ZSCAN12: variants seen among roughly 807,000 people sequenced by gnomAD.
ZSCAN12 encodes the protein zinc finger and SCAN domain containing 12.
In ZSCAN12, 18 loss-of-function variants were observed where a neutral mutation model predicts 23.4. That is an observed-to-expected ratio of 0.77 (90% CI 0.53 to 1.14). The LOEUF is 1.14. ZSCAN12 is among the 50% of genes most tolerant of loss of function. The pLI is 0.00. For missense variants in ZSCAN12, 650 were observed against 735.0 expected (o/e 0.88, Z 1.34); for synonymous variants, 186 against 253.4 (o/e 0.73, Z 2.53).
chr6:28,390,216 A>G lies in ZSCAN12; in HGVS notation c.*238T>C, dbSNP rs1760745586. Reference sequence around the variant, plus strand: ...TTCTACTCTCCTGTAGTCTTATATGACTAAATATGTGGATCTTATCTATCC... The same window carrying G: ...TTCTACTCTCCTGTAGTCTTATATGGCTAAATATGTGGATCTTATCTATCC... On this transcript the variant is annotated 3_prime_UTR_variant, in exon 4 of 4. Transcript: ENST00000684592. Among the ~76,000 whole-genome samples the G allele has an allele frequency of 1.3e-5, 2 of 152,194 alleles. No homozygotes were observed. The highest frequency in any genetic ancestry group is 4.8e-5 in the African/African-American group (2 of 41,436).
At chr6:28,383,208 T>C (rs1043484940), downstream of ZSCAN12, among the ~76,000 whole-genome samples, 12 of 152,156 alleles carry the variant, frequency 7.9e-5, no homozygotes, top group African/African-American at 2.4e-4. Context: ...CCAACTTTCC[T>C]TTCACCAAAC....
At chr6:28,399,576 A>G (rs987267526) in intron 1 of ZSCAN12, 81 bp downstream of exon 1, 52 of 152,498 alleles carry the variant, frequency 3.4e-4, no homozygotes, top group Non-Finnish European at 3.8e-4. Context: ...TGCACCGGCC[A>G]GGGCCTGAGG....
rs768674384 is a variant in ZSCAN12 at position 28,398,205 on chromosome 6, G to A, written c.201C>T (p.Leu67=). 5.6e-6 allele frequency: 9 copies of A among 1,613,994 alleles called. No individual in the cohort carries two copies. The East Asian group carries it at 1.8e-4, about 32-fold the overall frequency. Residue 67 remains leucine, a synonymous_variant, in exon 2 of 4, where the codon CTC becomes CTT. Transcript: ENST00000684592. ...TCAGCCACTGATGGCAAAGTTCTCG[G>A]AGTCGGCTCAAAGCCTCACGGGGAC... is the stretch of plus-strand genomic sequence containing the variant. ...TSGPREALSR[L]RELCHQWLRP...
Position 28,387,652 on chromosome 6 carries a change from T to C in ZSCAN12, c.*2802A>G, listed in dbSNP as rs1581768366. 1.3e-5 allele frequency among the ~76,000 whole-genome samples: 2 copies of C among 152,296 alleles called. No homozygotes were observed. Among genetic ancestry groups the C allele is most frequent in the South Asian group, 2.1e-4 (1 of 4,826 alleles). On this transcript the variant is annotated 3_prime_UTR_variant, in exon 4 of 4. Transcript: ENST00000684592. ...GGCTAATTTTAGAGCAGAGATAATA[T>C]GCAAAAACAGCAATCATGTAGTTTT...
chr6:28,379,400 G>A (rs1760114327), exon 5 of ZSCAN12: 1 of 152,150 alleles, frequency 6.6e-6, no homozygotes, highest in Admixed American at 6.5e-5. Flanking sequence ...AGGAGTTCGA[G>A]ACCAGCCTGG....
In ZSCAN12 at chr6:28,390,136, C is replaced by T. The variant is rs1192793619; in HGVS notation, c.*318G>A. Among the ~76,000 whole-genome samples, 1 of 101,184 alleles carries T rather than the reference C, an allele frequency of 9.9e-6. No homozygotes were observed. Among genetic ancestry groups the T allele is most frequent in the African/African-American group, 1.0e-4 (1 of 10,012 alleles). 66.4% of individuals were successfully genotyped at this position (101,184 alleles called of 152,430 possible). ...GTAACCTGTCCTTTAGAATTTACAGCACTTATAGTCTGTTACAAAGTACCA... is the reference window on the plus strand; with the variant it reads ...GTAACCTGTCCTTTAGAATTTACAGTACTTATAGTCTGTTACAAAGTACCA... On this transcript the variant is annotated 3_prime_UTR_variant, in exon 4 of 4. Coordinates refer to ENST00000684592, the MANE Select transcript of ZSCAN12 (RefSeq NM_001163391.2).
At chr6:28,382,930 C>A (rs1259300364), downstream of ZSCAN12, among the ~76,000 whole-genome samples, 1 of 98,448 alleles carries the variant, frequency 1.0e-5, no homozygotes, top group Non-Finnish European at 2.0e-5. Flanking sequence ...ATTTAAAATG[C>A]ACCATACATG....
chr6:28,395,427 A>G (rs1450253525), intron 2 of ZSCAN12, among the ~76,000 whole-genome samples: 1 of 152,170 alleles, frequency 6.6e-6, no homozygotes, highest in Non-Finnish European at 1.5e-5. Flanking sequence ...GCTCCAAAAT[A>G]TATCCAGAAT....
downstream of ZSCAN12, chr6:28,380,794 A>C (rs1254652498): frequency 1.3e-5 from 2 of 153,772 alleles, no homozygotes; most frequent in Non-Finnish European, 2.9e-5. Context: ...CATTCCCCCC[A>C]ACAAAATTCA....
intron 2 of ZSCAN12, among the ~76,000 whole-genome samples, chr6:28,397,741 CTCTTG>C (rs1462898723): frequency 2.0e-5 from 3 of 152,228 alleles, no homozygotes; most frequent in Admixed American, 2.0e-4. Context: ...TTGATACTTT[CTCTTG>C]TCTTAGAAGT....
intron 1 of ZSCAN12, among the ~76,000 whole-genome samples, chr6:28,398,910 G>T (rs1184590567): frequency 7.0e-6 from 1 of 143,604 alleles, no homozygotes; most frequent in Non-Finnish European, 1.5e-5. Flanking sequence ...TCCAGCCTGG[G>T]CGACAGAGCG....
chr6:28,391,725 C>T lies in ZSCAN12; in HGVS notation c.565G>A (p.Gly189Arg). The T allele has an allele frequency of 1.3e-6, 2 of 1,532,636 alleles. No individual in the cohort carries two copies. Among genetic ancestry groups the T allele is most frequent in the Non-Finnish European group, 1.8e-6 (2 of 1,142,432 alleles). The allele number at this position is 1,532,636 out of a possible 1,614,324, so 94.9% of individuals were successfully genotyped here. The change falls in exon 4 of 4, where the codon GGA (glycine) becomes AGA (arginine). Residue 189 changes from glycine (G) to arginine (R), a missense_variant. Coordinates refer to ENST00000684592, the MANE Select transcript of ZSCAN12 (RefSeq NM_001163391.2). This position sits in a 1 kb window ranked among gnomAD's most constrained non-coding sequence, Gnocchi z 4.1. ...TGCTTTAAATTCCCATACTCATTTCCAGTCTCAACATCTAAAACTAAGAAG... is the reference window on the plus strand; with the variant it reads ...TGCTTTAAATTCCCATACTCATTTCTAGTCTCAACATCTAAAACTAAGAAG... Reference protein sequence around the residue: ...QQEQVLDVETGNEYGNLKQEV... With the variant: ...QQEQVLDVETRNEYGNLKQEV...
chr6:28,381,072 G>A (rs1760210127), downstream of ZSCAN12: 1 of 152,190 alleles, frequency 6.6e-6, no homozygotes, highest in African/African-American at 2.4e-5. Context: ...AGAAGAGACA[G>A]CTAGGCAGAA....
chr6:28,391,568 C>G lies in ZSCAN12; in HGVS notation c.722G>C (p.Arg241Thr), dbSNP rs1581776254. 1 of 1,552,286 alleles carries G rather than the reference C, an allele frequency of 6.4e-7. No homozygotes were observed. Among genetic ancestry groups the G allele is most frequent in the Non-Finnish European group, 8.7e-7 (1 of 1,147,128 alleles). The change falls in exon 4 of 4, where the codon AGA becomes ACA. Residue 241 changes from arginine (R) to threonine (T), a missense_variant. Arg to Thr is a moderately conservative substitution (Grantham distance 71, BLOSUM62 -1). Coordinates refer to ENST00000684592, the MANE Select transcript of ZSCAN12 (RefSeq NM_001163391.2). This position sits in a 1 kb window ranked among gnomAD's most constrained non-coding sequence, Gnocchi z 4.1. ...ATCACAGGTAGGTTGTTTATCTTCT[C>G]TGGAGCAAGCAGAGGGCTCTTCTGT... is the stretch of plus-strand genomic sequence containing the variant. The part of the protein sequence containing the change: ...EITEEPSACS[R>T]EDKQPTCDEN...
rs555610656 is a variant in ZSCAN12, at chr6:28,388,749, G to C, written c.*1705C>G. Among the ~76,000 whole-genome samples, 48 of 152,310 alleles carry C rather than the reference G, an allele frequency of 3.2e-4. No homozygotes were observed. The highest frequency in any genetic ancestry group is 1.1e-3 in the African/African-American group (46 of 41,570). On this transcript the variant is annotated 3_prime_UTR_variant, in exon 4 of 4. Coordinates refer to ENST00000684592, the MANE Select transcript of ZSCAN12 (RefSeq NM_001163391.2). ...ACCAGCTAGAAGTGTGAAGAGAAGA[G>C]AGGACTGGAGTTGTGTTGGGGTGTA...
chr6:28,392,766 T>A, intron 3 of ZSCAN12, 136 bp downstream of exon 3: 3 of 885,268 alleles, frequency 3.4e-6, no homozygotes, highest in South Asian at 2.0e-5. Flanking sequence ...TGTCTGAGAG[T>A]CTATATATGA....
chr6:28,378,971 T>C (rs1045607382), exon 5 of ZSCAN12: 9 of 152,168 alleles, frequency 5.9e-5, no homozygotes, highest in Non-Finnish European at 1.3e-4. Flanking sequence ...TTGAAAATAA[T>C]GAATTTATTA....
intron 2 of ZSCAN12, among the ~76,000 whole-genome samples, 159 bp from the exon 3 acceptor site, chr6:28,393,205 C>T (rs1049095377): frequency 1.1e-4 from 16 of 152,166 alleles, no homozygotes; most frequent in Admixed American, 3.3e-4. Context: ...ATGTCGCCTC[C>T]TCTGGGGAAT....
Position 28,392,931 on chromosome 6 carries a change from G to A in ZSCAN12, c.518C>T (p.Ser173Phe). The A allele has an allele frequency of 6.4e-7, 1 of 1,552,136 alleles. No homozygotes were observed. The change falls in exon 3 of 4, where the codon TCT becomes TTT. Residue 173 changes from serine to phenylalanine, a missense_variant. Physicochemically the swap from Ser to Phe is radical, Grantham distance 155. Coordinates refer to ENST00000684592, the MANE Select transcript of ZSCAN12 (RefSeq NM_001163391.2). The part of the protein sequence containing the change: ...QSMKAQPKYE[S>F]PELESQQEQV... The stretch of plus-strand genomic sequence containing the variant: ...CTCCTGTTGGGATTCAAGTTCTGGA[G>A]ATTCATACTTTGGCTGGGCTTTCAT...
Sources: allele counts gnomAD v4.1 joint callset (sites outside exome capture counted in the v4.1 genomes callset), GRCh38; gene constraint gnomAD v4.1.1; non-coding constraint Gnocchi (gnomAD v3.1); transcripts MANE v1.5; gene names NCBI Gene and HGNC (gene_info 2026-07-23, HGNC 2026-07-21).